PKNOX1: variants seen among roughly 807,000 people sequenced by gnomAD.
PKNOX1 encodes the protein homeobox protein PKNOX1.
In PKNOX1, 15 loss-of-function variants were observed where a neutral mutation model predicts 51.9. The observed-to-expected ratio is 0.29, with a 90% CI of 0.19 to 0.45. The LOEUF (loss-of-function observed/expected upper bound fraction) is 0.45. Among genes scored for constraint, PKNOX1 ranks in the 20% least tolerant of loss-of-function variants. The pLI is 1.00. For synonymous variants in PKNOX1, 219 were observed against 211.1 expected (o/e 1.04, Z -0.32); for missense variants, 462 against 547.5 (o/e 0.84, Z 1.56).
At chr21:42,994,031 CTT>C (rs34173115) in intron 1 of PKNOX1, among the ~76,000 whole-genome samples, 38,911 of 93,428 alleles carry the variant, frequency 0.42, 7,937 homozygotes, top group African/African-American at 0.48. Context: ...CGCGCCCAGC[CTT>C]TTTTTTTTTT....
intron 4 of PKNOX1, among the ~76,000 whole-genome samples, chr21:43,012,009 G>A (rs182124599): frequency 6.6e-6 from 1 of 152,290 alleles, no homozygotes; most frequent in Non-Finnish European, 1.5e-5. Flanking sequence ...CAGGGACCAA[G>A]GTTCTCTTGA....
At chr21:43,027,747 G>A (rs1371223033) in intron 9 of PKNOX1, among the ~76,000 whole-genome samples, 3 of 88,660 alleles carry the variant, frequency 3.4e-5, no homozygotes, top group African/African-American at 6.9e-5. Flanking sequence ...GTGTAACCCC[G>A]TTTACTAAAA....
chr21:42,989,482 C>T (rs1197475305), intron 1 of PKNOX1, among the ~76,000 whole-genome samples: 1 of 152,098 alleles, frequency 6.6e-6, no homozygotes, highest in African/African-American at 2.4e-5. Context: ...GTGATGTGAT[C>T]TCGATTTCAC....
At chr21:43,009,045 T>C (rs1024217908) in intron 3 of PKNOX1, among the ~76,000 whole-genome samples, 4 of 151,996 alleles carry the variant, frequency 2.6e-5, no homozygotes, top group African/African-American at 7.2e-5. Flanking sequence ...GCGGGCGCGG[T>C]GGCTCATGCC....
intron 7 of PKNOX1, 45 bp downstream of exon 7, chr21:43,018,275 CA>C: frequency 8.6e-7 from 1 of 1,164,590 alleles, no homozygotes; most frequent in Non-Finnish European, 1.3e-6. Context: ...GAGTGCTGCC[CA>C]CATAGGGGCA....
chr21:42,975,605 C>T (rs889880039), intron 1 of PKNOX1, among the ~76,000 whole-genome samples: 3 of 152,224 alleles, frequency 2.0e-5, no homozygotes, highest in South Asian at 2.1e-4. Context: ...CTTATTTGGA[C>T]AGTGGCTCTG....
At chr21:43,022,059 A>G (rs1427006921) in intron 8 of PKNOX1, among the ~76,000 whole-genome samples, 1 of 152,184 alleles carries the variant, frequency 6.6e-6, no homozygotes, top group African/African-American at 2.4e-5. Context: ...CTGCTGATCC[A>G]GGGCAGGAGA....
intron 9 of PKNOX1, among the ~76,000 whole-genome samples, chr21:43,025,320 T>A (rs896174392): frequency 6.6e-6 from 1 of 152,152 alleles, no homozygotes; most frequent in African/African-American, 2.4e-5. Flanking sequence ...TTCTCTAGGG[T>A]GCTACTGTCC....
In PKNOX1 at chr21:43,004,399, A is replaced by G. The variant is rs866909693; in HGVS notation, c.18A>G (p.Thr6=). 8.7e-6 allele frequency: 14 copies of G among 1,609,212 alleles called. No homozygotes were observed. The Middle Eastern group carries it at 4.9e-4, about 57-fold the overall frequency. MMATQ[T]LSIDSYQDGQ... ...GATGAACCATGATGGCTACACAGAC[A>G]TTAAGTATAGACAGCTATCAAGATG... Residue 6 remains threonine (T), a synonymous_variant, in exon 2 of 11, where the codon ACA becomes ACG. Coordinates refer to ENST00000291547, the MANE Select transcript of PKNOX1 (RefSeq NM_004571.5).
Position 43,030,359 on chromosome 21 carries a change from T to A in PKNOX1, c.*258T>A. 1 of 310,134 alleles carries A rather than the reference T, an allele frequency of 3.2e-6. No homozygotes were observed. The highest frequency in any genetic ancestry group is 5.9e-6 in the Non-Finnish European group (1 of 169,718). 19.2% of individuals were successfully genotyped at this position (310,134 alleles called of 1,614,324 possible). A position where few individuals can be genotyped will look rare whatever the true frequency, so the allele number is the denominator to read the frequency against. Reference sequence around the variant, plus strand: ...AGGTTTAACGCTAGATTGTGAGGAATGACACACCACTCCCTCCCCACCTTG... The same window carrying A: ...AGGTTTAACGCTAGATTGTGAGGAAAGACACACCACTCCCTCCCCACCTTG... On this transcript the variant is annotated 3_prime_UTR_variant, in exon 11 of 11. Coordinates refer to ENST00000291547, the MANE Select transcript of PKNOX1 (RefSeq NM_004571.5).
At position 43,024,892 on chromosome 21, in the gene PKNOX1, G is replaced by A; in HGVS notation, c.871G>A (p.Glu291Lys). The change falls in exon 9 of 11, where the codon GAG becomes AAG. Residue 291 changes from glutamate (E) to lysine (K), a missense_variant. Around this residue, in one of 5 missense-constraint regions of PKNOX1, gnomAD observed 75 missense variants for 129.8 expected, o/e 0.58. Coordinates refer to ENST00000291547, the MANE Select transcript of PKNOX1 (RefSeq NM_004571.5). ...TCAGCATCCCTACCCAACAGAGGATGAGAAAAAACAGATTGCTGCTCAGAC... is the reference window on the plus strand; with the variant it reads ...TCAGCATCCCTACCCAACAGAGGATAAGAAAAAACAGATTGCTGCTCAGAC... ...HIGHPYPTED[E>K]KKQIAAQTNL... 6.2e-7 allele frequency: 1 copy of A among 1,611,296 alleles called. No homozygotes were observed. The highest frequency in any genetic ancestry group is 8.5e-7 in the Non-Finnish European group (1 of 1,177,570).
rs1568905098 is a variant in PKNOX1 at position 43,024,958 on chromosome 21, C to T, written c.926+11C>T. 1 of 1,579,132 alleles carries T rather than the reference C, an allele frequency of 6.3e-7. No individual in the cohort carries two copies. Among genetic ancestry groups the T allele is most frequent in the Non-Finnish European group, 8.7e-7 (1 of 1,148,698 alleles). The stretch of plus-strand genomic sequence containing the variant: ...CCAAGTCAACAACTGGTAAGGTGCC[C>T]TGCTTCCTGAAATCATGCTGTCAGC... On this transcript the variant is annotated intron_variant, in intron 9 of 10. Transcript: ENST00000291547.
intron 1 of PKNOX1, among the ~76,000 whole-genome samples, chr21:42,993,922 G>A (rs1318821898): frequency 6.7e-6 from 1 of 150,032 alleles, no homozygotes; most frequent in Non-Finnish European, 1.5e-5. Flanking sequence ...TAGTAGACAC[G>A]GGGTTTCACC....
At chr21:42,978,515 G>C (rs537878339) in intron 1 of PKNOX1, among the ~76,000 whole-genome samples, 1 of 133,730 alleles carries the variant, frequency 7.5e-6, no homozygotes, top group African/African-American at 2.8e-5. Context: ...AGATGGAGTC[G>C]CTCTGTCGCC....
At chr21:43,008,060 G>GTC (rs1555860465) in intron 3 of PKNOX1, among the ~76,000 whole-genome samples, 1,537 of 95,064 alleles carry the variant, frequency 0.016, 10 homozygotes, top group Non-Finnish European at 0.027. Flanking sequence ...GCAAAACTCT[G>GTC]TCACACACAC....
chr21:43,009,981 A>G (rs1979176340), intron 3 of PKNOX1, 72 bp from the exon 4 acceptor site: 1 of 884,076 alleles, frequency 1.1e-6, no homozygotes, highest in Non-Finnish European at 1.7e-6. Flanking sequence ...GAAGTAGTGC[A>G]GGCATACACG....
intron 1 of PKNOX1, among the ~76,000 whole-genome samples, chr21:42,987,621 T>C (rs1362325807): frequency 2.4e-4 from 34 of 141,436 alleles, no homozygotes; most frequent in Non-Finnish European, 4.5e-4. Flanking sequence ...GTTTCTACTT[T>C]TTTTTTTTTT....
At chr21:42,987,808 CAG>C (rs2059062779) in intron 1 of PKNOX1, among the ~76,000 whole-genome samples, 1 of 151,804 alleles carries the variant, frequency 6.6e-6, no homozygotes, top group South Asian at 2.1e-4. Context: ...TTAGTAGAGA[CAG>C]GGTTTCACCA....
At chr21:43,008,090 C>CACAT (rs1384994128) in intron 3 of PKNOX1, among the ~76,000 whole-genome samples, 1 of 151,728 alleles carries the variant, frequency 6.6e-6, no homozygotes, top group African/African-American at 2.4e-5. Context: ...CACACACACA[C>CACAT]ACACACAAAG....
Sources: gnomAD v4.1 joint callset for allele counts (sites outside exome capture counted in the v4.1 genomes callset) on GRCh38, gnomAD v4.1.1 for gene constraint, gnomAD v4.1.1 regional missense constraint, MANE v1.5 for transcripts, NCBI Gene and HGNC (gene_info 2026-07-23, HGNC 2026-07-21) for gene names.